The following MS4A15 variants were observed in gnomAD, a reference collection of about 807,000 sequenced individuals.
MS4A15 encodes the protein membrane spanning 4-domains A15.
MS4A15 carries 22 observed loss-of-function variants against 20.6 expected under a neutral mutation model. The observed-to-expected ratio is 1.07, with a 90% CI of 0.76 to 1.52. The LOEUF is 1.52. Among genes scored for constraint, MS4A15 ranks in the 40% most tolerant of loss-of-function variants. The probability of loss-of-function intolerance (pLI) is 0.00; values close to 1 mark genes in which losing one functional copy is unlikely to be tolerated. For synonymous variants in MS4A15, 129 were observed against 129.3 expected (o/e 1.00, Z 0.02); for missense variants, 312 against 323.0 (o/e 0.97, Z 0.26).
At chr11:60,771,563 G>C in intron 4 of MS4A15, 1 of 1,527,828 alleles carries the variant, frequency 6.5e-7, no homozygotes, top group Non-Finnish European at 8.8e-7. Context: ...ACACAAGCCA[G>C]GGTGGAAAGT....
At chr11:60,764,705 T>C (rs111281397) in intron 2 of MS4A15, among the ~76,000 whole-genome samples, 5,555 of 151,944 alleles carry the variant, frequency 0.037, 331 homozygotes, top group African/African-American at 0.13. Flanking sequence ...AGTCAGGAGA[T>C]CAAGACCAAC....
chr11:60,775,975 G>A lies in MS4A15; in HGVS notation c.*260G>A. 1 of 351,182 alleles carries A rather than the reference G, an allele frequency of 2.8e-6. No homozygotes were observed. The highest frequency in any genetic ancestry group is 2.0e-5 in the African/African-American group (1 of 48,948). 21.8% of individuals were successfully genotyped at this position (351,182 alleles called of 1,614,324 possible). ...CTCCCTGAGCCCTGTCACCCTTCCA[G>A]GACACCCACCTTGTGCATCTAAGCA... On this transcript the variant is annotated 3_prime_UTR_variant, in exon 7 of 7. Coordinates refer to ENST00000405633, the MANE Select transcript of MS4A15 (RefSeq NM_001098835.2).
chr11:60,771,472 G>A, intron 4 of MS4A15, 125 bp downstream of exon 4: 1 of 1,548,088 alleles, frequency 6.5e-7, no homozygotes, highest in Non-Finnish European at 8.7e-7. Flanking sequence ...CCTGCAAAGT[G>A]CCAGGGGAGG....
chr11:60,773,287 C>A, intron 4 of MS4A15, 105 bp from the exon 5 acceptor site: 1 of 836,306 alleles, frequency 1.2e-6, no homozygotes. Flanking sequence ...GCCTCCTTGG[C>A]TGTGGGAGGC....
chr11:60,771,654 C>A lies in MS4A15; in HGVS notation c.405+307C>A, dbSNP rs1169874906. ...AAGAGTCCTGCTGGGCCTTGGTGAG[C>A]AGAGAGGACTTAGAAATACCACAGG... On this transcript the variant is annotated intron_variant, in intron 4 of 6. Transcript: ENST00000405633. 4 of 1,423,704 alleles carry A rather than the reference C, an allele frequency of 2.8e-6. No individual in the cohort carries two copies. In the East Asian group the frequency reaches 9.8e-5, roughly 35 times the overall value. The allele number at this position is 1,423,704 out of a possible 1,614,324, so 88.2% of individuals were successfully genotyped here.
intron 6 of MS4A15, among the ~76,000 whole-genome samples, chr11:60,774,858 G>A (rs1045869680): frequency 5.9e-5 from 9 of 152,222 alleles, no homozygotes; most frequent in African/African-American, 2.2e-4. Flanking sequence ...CTGAGCAGGG[G>A]AGTGAGCTGG....
At chr11:60,765,771 G>A (rs772714039) in intron 2 of MS4A15, among the ~76,000 whole-genome samples, 1 of 151,962 alleles carries the variant, frequency 6.6e-6, no homozygotes, top group Non-Finnish European at 1.5e-5. Context: ...GGACTGGACT[G>A]GGGGCACAGA....
In MS4A15 at chr11:60,775,680, T is replaced by A; in HGVS notation, c.688T>A (p.Tyr230Asn). The change falls in exon 7 of 7, where the codon TAT becomes AAT. Residue 230 changes from tyrosine to asparagine, a missense_variant. By Grantham distance (143) the Tyr-to-Asn change is moderately radical (BLOSUM62 -2). Coordinates refer to ENST00000405633, the MANE Select transcript of MS4A15 (RefSeq NM_001098835.2). ...CCCGGCAGCCTCTGCGCCCCCTGCC[T>A]ATGACAATGTGGCATATGCCCAAGG... ...PSPAASAPPAYDNVAYAQGVV is the reference protein window; with the variant it reads ...PSPAASAPPANDNVAYAQGVV 6.2e-7 allele frequency: 1 copy of A among 1,613,946 alleles called. No homozygotes were observed. Among genetic ancestry groups the A allele is most frequent in the Non-Finnish European group, 8.5e-7 (1 of 1,179,916 alleles).
At chr11:60,758,932 G>C (rs921872694) in intron 1 of MS4A15, among the ~76,000 whole-genome samples, 3 of 152,246 alleles carry the variant, frequency 2.0e-5, no homozygotes, top group Non-Finnish European at 4.4e-5. Context: ...GCAGAGTTAG[G>C]TGCCCTGATA....
At chr11:60,758,952 C>A (rs1185754832) in intron 1 of MS4A15, among the ~76,000 whole-genome samples, 1 of 152,230 alleles carries the variant, frequency 6.6e-6, no homozygotes, top group Non-Finnish European at 1.5e-5. Flanking sequence ...ATTGGCCTTA[C>A]AAACTTTTCC....
chr11:60,765,653 C>A (rs1341183366), intron 2 of MS4A15, among the ~76,000 whole-genome samples: 1 of 152,062 alleles, frequency 6.6e-6, no homozygotes, highest in Non-Finnish European at 1.5e-5. Context: ...GATGGCTGAC[C>A]CTAAAGTTCT....
intron 4 of MS4A15, chr11:60,771,604 G>T: frequency 6.7e-7 from 1 of 1,499,324 alleles, no homozygotes; most frequent in Non-Finnish European, 8.9e-7. Context: ...TTCCGAGAAA[G>T]GAAAGATGCT....
chr11:60,768,770 T>G (rs762457162), intron 3 of MS4A15, among the ~76,000 whole-genome samples: 1 of 152,238 alleles, frequency 6.6e-6, no homozygotes, highest in Non-Finnish European at 1.5e-5. Context: ...AAATGGTGAC[T>G]GTTGAGCAAG....
intron 3 of MS4A15, among the ~76,000 whole-genome samples, chr11:60,770,244 T>C (rs1002759423): frequency 5.9e-5 from 9 of 152,152 alleles, no homozygotes; most frequent in Admixed American, 3.3e-4. Context: ...TCATCACAGC[T>C]CTTAGCACCA....
chr11:60,771,874 C>A (rs771679359), intron 4 of MS4A15: 41 of 790,064 alleles, frequency 5.2e-5, no homozygotes, highest in Non-Finnish European at 6.9e-5. Flanking sequence ...AGGCTTTGAA[C>A]AGGAGGGTAT....
chr11:60,771,869 T>C, intron 4 of MS4A15: 1 of 848,066 alleles, frequency 1.2e-6, no homozygotes, highest in South Asian at 1.8e-5. Context: ...GATGGAGGCT[T>C]TGAACAGGAG....
intron 6 of MS4A15, among the ~76,000 whole-genome samples, chr11:60,775,324 A>AAAAAGAG (rs1463913710): frequency 3.3e-5 from 5 of 149,750 alleles, no homozygotes; most frequent in Non-Finnish European, 6.0e-5. Flanking sequence ...TCTCAAAAAA[A>AAAAAGAG]AAAAGAAAAG....
intron 2 of MS4A15, among the ~76,000 whole-genome samples, chr11:60,765,939 A>C (rs1178666924): frequency 6.6e-6 from 1 of 152,206 alleles, no homozygotes; most frequent in Non-Finnish European, 1.5e-5. Flanking sequence ...AAAAAAGTGG[A>C]AAATACAAAT....
At chr11:60,772,090 G>A (rs919003404) in intron 4 of MS4A15, among the ~76,000 whole-genome samples, 1 of 152,160 alleles carries the variant, frequency 6.6e-6, no homozygotes, top group Non-Finnish European at 1.5e-5. Flanking sequence ...AGCTCAGCTG[G>A]GACGGTCTGG....
Sources: gnomAD v4.1 joint callset for allele counts (sites outside exome capture counted in the v4.1 genomes callset) on GRCh38, gnomAD v4.1.1 for gene constraint, MANE v1.5 for transcripts, NCBI Gene and HGNC (gene_info 2026-07-23, HGNC 2026-07-21) for gene names.